The following AMOT variants were observed in gnomAD, a reference collection of about 807,000 sequenced individuals.
The protein encoded by AMOT is angiomotin.
A neutral mutation model predicts 67.0 loss-of-function variants in AMOT; 11 were observed. The observed-to-expected ratio is 0.16, with a 90% CI of 0.10 to 0.27. The LOEUF (loss-of-function observed/expected upper bound fraction) is 0.27. Among genes scored for constraint, AMOT ranks in the 10% least tolerant of loss-of-function variants. AMOT has a pLI of 1.00. For synonymous variants in AMOT, 326 were observed against 321.4 expected, an observed-to-expected ratio of 1.01 and a Z score of -0.15; for missense variants, 753 against 852.0, an observed-to-expected ratio of 0.88 and a Z score of 1.45.
intron 2 of AMOT, among the ~76,000 whole-genome samples, chrX:112,826,646 T>A (rs1934849670): frequency 8.9e-6 from 1 of 111,813 alleles, no homozygotes; most frequent in Non-Finnish European, 1.9e-5. Flanking sequence ...ACTCATCCTT[T>A]TTTTTCCAAC....
At position 112,775,410 on chromosome X, in the gene AMOT, C is replaced by T. The variant is rs750661293; in HGVS notation, c.*3157G>A. 8.9e-6 allele frequency: 1 copy of T among 112,467 alleles called. No homozygotes were observed. Among genetic ancestry groups the T allele is most frequent in the Non-Finnish European group, 1.9e-5 (1 of 53,244 alleles). 9.3% of individuals were successfully genotyped at this position (112,467 alleles called of 1,213,427 possible). ...GTGCATATGTATACACTTTAAGCTG[C>T]CGCATTATGAGGGTTTAGGCTTGTC... On this transcript the variant is annotated 3_prime_UTR_variant, in exon 14 of 14. Coordinates refer to ENST00000371959, the MANE Select transcript of AMOT (RefSeq NM_001113490.2).
At chrX:112,829,880 C>T (rs1011651034) in intron 2 of AMOT, among the ~76,000 whole-genome samples, 2 of 112,076 alleles carry the variant, frequency 1.8e-5, no homozygotes, top group African/African-American at 6.5e-5. Context: ...TCCCAGCACA[C>T]ACATCCATTC....
intron 5 of AMOT, among the ~76,000 whole-genome samples, chrX:112,814,661 GAAC>G (rs2147813678): frequency 8.9e-6 from 1 of 112,281 alleles, no homozygotes; most frequent in South Asian, 3.8e-4. Flanking sequence ...AGAAGAATGT[GAAC>G]TGGAGATACA....
At position 112,779,489 on chromosome X, in the gene AMOT, C is replaced by T. The variant is rs1933059714; in HGVS notation, c.2665G>A (p.Ala889Thr). The T allele has an allele frequency of 3.3e-6, 4 of 1,208,232 alleles. No individual in the cohort carries two copies. In the African/African-American group the frequency reaches 6.9e-5, roughly 21 times the overall value. Residue 889 changes from alanine to threonine, a missense_variant, in exon 13 of 14, where the codon GCT (alanine) becomes ACT (threonine). Around this residue, in one of 5 missense-constraint regions of AMOT, gnomAD observed 269 missense variants for 300.9 expected, o/e 0.89. Transcript: ENST00000371959. ...GTGATGGCGGCAGCAGTGGCGGCAGCAGCAACTGGAGCAGGAACAGAGATG... is the reference window on the plus strand; with the variant it reads ...GTGATGGCGGCAGCAGTGGCGGCAGTAGCAACTGGAGCAGGAACAGAGATG... ...APISVPAPVAAAATAAAITAT... is the reference protein window; with the variant it reads ...APISVPAPVATAATAAAITAT...
At chrX:112,801,079 C>T (rs1055994891) in intron 8 of AMOT, among the ~76,000 whole-genome samples, 4 of 111,423 alleles carry the variant, frequency 3.6e-5, no homozygotes, top group African/African-American at 1.3e-4. Context: ...GCCTTTTTCC[C>T]ACCATCCCTG....
chrX:112,839,811 C>T (rs1935243089), intron 1 of AMOT, among the ~76,000 whole-genome samples: 1 of 110,649 alleles, frequency 9.0e-6, no homozygotes, highest in Non-Finnish European at 1.9e-5. Flanking sequence ...GGCTTGGACC[C>T]TCAAGACACC....
intron 10 of AMOT, among the ~76,000 whole-genome samples, chrX:112,787,056 C>T (rs920943154): frequency 3.6e-5 from 4 of 111,502 alleles, no homozygotes; most frequent in African/African-American, 1.3e-4. Context: ...CATCAAAATG[C>T]CTCCTCCTGG....
rs199751307 is a variant in AMOT at position 112,791,818 on chromosome X, T to C, written c.1926+14A>G. ...TTACTTTTTTTTCCCTTTCTTCCTT[T>C]AAGTTCTCCATACCTGCTGGATTCT... is the stretch of plus-strand genomic sequence containing the variant. On this transcript the variant is annotated intron_variant, in intron 9 of 13. Transcript: ENST00000371959. 1.7e-6 allele frequency: 2 copies of C among 1,205,395 alleles called. No homozygotes were observed. The highest frequency in any genetic ancestry group is 2.2e-6 in the Non-Finnish European group (2 of 891,493).
At chrX:112,791,263 C>T (rs1182307420) in intron 9 of AMOT, among the ~76,000 whole-genome samples, 2 of 109,868 alleles carry the variant, frequency 1.8e-5, no homozygotes, top group Non-Finnish European at 3.8e-5. Context: ...GTGGTGCACA[C>T]CTGTAATCCC....
rs759824643 is a variant in AMOT, at chrX:112,795,408, C to T, written c.1777-3427G>A. ...TAGCTCTGCTATTAATAGCAACTTG[C>T]TTCTCTATTCTCAGCTACAGAGACC... On this transcript the variant is annotated intron_variant, in intron 8 of 13. Coordinates refer to ENST00000371959, the MANE Select transcript of AMOT (RefSeq NM_001113490.2). 2.7e-5 allele frequency among the ~76,000 whole-genome samples: 3 copies of T among 111,173 alleles called. No homozygotes were observed. The South Asian group carries it at 1.2e-3, about 43-fold the overall frequency.
chrX:112,782,426 G>C, intron 11 of AMOT, 114 bp downstream of exon 11: 1 of 995,025 alleles, frequency 1.0e-6, no homozygotes, highest in South Asian at 2.0e-5. Context: ...GGCTGGCAGG[G>C]GTGATGGTGG....
chrX:112,805,162 C>T, intron 7 of AMOT, 70 bp from the exon 8 acceptor site: 1 of 1,151,806 alleles, frequency 8.7e-7, no homozygotes, highest in African/African-American at 1.8e-5. Flanking sequence ...GCAAAATTGA[C>T]ACATCATACC....
chrX:112,820,366 C>T (rs1020260773), intron 4 of AMOT, among the ~76,000 whole-genome samples: 6 of 110,363 alleles, frequency 5.4e-5, no homozygotes, highest in Non-Finnish European at 9.5e-5. Flanking sequence ...CTGTAAAATA[C>T]ATGCAGCTAA....
chrX:112,783,564 A>T (rs1240499674), intron 10 of AMOT, among the ~76,000 whole-genome samples: 1 of 111,388 alleles, frequency 9.0e-6, no homozygotes, highest in Admixed American at 9.6e-5. Flanking sequence ...TCTAGCACCA[A>T]ATCAATGGGT....
chrX:112,815,283 AC>A, intron 5 of AMOT, 74 bp downstream of exon 5: 5 of 1,097,969 alleles, frequency 4.6e-6, no homozygotes, highest in Non-Finnish European at 6.1e-6. Context: ...ACAACTGGAG[AC>A]TTTAATGTGG....
intron 8 of AMOT, among the ~76,000 whole-genome samples, chrX:112,795,660 C>T (rs1933788522): frequency 1.8e-5 from 2 of 111,238 alleles, no homozygotes; most frequent in Admixed American, 9.6e-5. Context: ...GAGAGGTCTT[C>T]AAATGGTGAT....
intron 5 of AMOT, among the ~76,000 whole-genome samples, chrX:112,811,712 A>G (rs1040051839): frequency 8.9e-6 from 1 of 112,119 alleles, no homozygotes; most frequent in East Asian, 2.8e-4. Flanking sequence ...GAAAACTCTT[A>G]ATTTTGAAAA....
intron 3 of AMOT, among the ~76,000 whole-genome samples, chrX:112,824,430 G>A (rs1934790070): frequency 8.9e-6 from 1 of 111,837 alleles, no homozygotes; most frequent in South Asian, 3.7e-4. Context: ...CTGGCTCCCA[G>A]GCTCTTATTT....
chrX:112,777,581 A>G lies in AMOT; in HGVS notation c.*986T>C, dbSNP rs1932971023. 1 of 112,529 alleles carries G rather than the reference A, an allele frequency of 8.9e-6. No homozygotes were observed. The highest frequency in any genetic ancestry group is 1.9e-5 in the Non-Finnish European group (1 of 53,322). 9.3% of individuals were successfully genotyped at this position (112,529 alleles called of 1,213,427 possible). ...AGAAATTCAAAGCATTCAACCTGTC[A>G]ACAAAGATCCTTCCTCACTTTGCAA... is the stretch of plus-strand genomic sequence containing the variant. On this transcript the variant is annotated 3_prime_UTR_variant, in exon 14 of 14. Coordinates refer to ENST00000371959, the MANE Select transcript of AMOT (RefSeq NM_001113490.2).
Sources: allele counts gnomAD v4.1 joint callset (sites outside exome capture counted in the v4.1 genomes callset), GRCh38; gene constraint gnomAD v4.1.1; regional missense constraint gnomAD v4.1.1; transcripts MANE v1.5; gene names NCBI Gene and HGNC (gene_info 2026-07-23, HGNC 2026-07-21).